TNRC18: variants seen among roughly 807,000 people sequenced by gnomAD.
TNRC18 encodes trinucleotide repeat containing 18, also known as trinucleotide repeat-containing gene 18 protein.
A neutral mutation model predicts 226.7 loss-of-function variants in TNRC18; 69 were observed. That is an observed-to-expected ratio of 0.30 (90% CI 0.25 to 0.37). The LOEUF is 0.37. Ranked by LOEUF, TNRC18 falls within the 10% of genes least tolerant of loss-of-function variation. The pLI, the probability that TNRC18 is intolerant of heterozygous loss-of-function variation, is 1.00. For missense variants in TNRC18, 4,754 were observed against 4,256.6 expected, an observed-to-expected ratio of 1.12 and a Z score of -3.25; for synonymous variants, 2,449 against 1,927.6, an observed-to-expected ratio of 1.27 and a Z score of -7.09.
At position 5,351,803 on chromosome 7, in the gene TNRC18, G is replaced by A; in HGVS notation, c.5470+16C>T. ...CTAGGAAACACGGAAGGTATTTTGT[G>A]TTTGGAGCTAGTAACCTTGGTCAAA... is the stretch of plus-strand genomic sequence containing the variant. On this transcript the variant is annotated intron_variant, in intron 17 of 29. Transcript: ENST00000430969. 3 of 1,563,982 alleles carry A rather than the reference G, an allele frequency of 1.9e-6. No individual in the cohort carries two copies. Among genetic ancestry groups the A allele is most frequent in the South Asian group, 2.4e-5 (2 of 83,982 alleles).
intron 25 of TNRC18, 109 bp from the exon 26 acceptor site, chr7:5,315,257 A>G (rs2128107261): frequency 2.4e-6 from 3 of 1,238,880 alleles, no homozygotes; most frequent in Middle Eastern, 2.9e-4. Context: ...AGCAACCGAC[A>G]CCAGGTGGCT....
chr7:5,402,889 G>C (rs1388428272), intron 2 of TNRC18, among the ~76,000 whole-genome samples: 1 of 151,842 alleles, frequency 6.6e-6, no homozygotes, highest in Non-Finnish European at 1.5e-5. Flanking sequence ...GGAATGGGGG[G>C]GCAAGGTCCT....
intron 11 of TNRC18, among the ~76,000 whole-genome samples, chr7:5,368,550 G>T (rs1019284671): frequency 1.3e-5 from 2 of 151,272 alleles, no homozygotes; most frequent in Non-Finnish European, 2.9e-5. Flanking sequence ...TGTAATCCCA[G>T]GTACTCAGGA....
intron 25 of TNRC18, among the ~76,000 whole-genome samples, 171 bp from the exon 26 acceptor site, chr7:5,315,319 C>T (rs912583720): frequency 6.4e-4 from 98 of 152,198 alleles, no homozygotes; most frequent in African/African-American, 2.1e-3. Flanking sequence ...GGGGAAACCC[C>T]GTCTGCAGGG....
intron 19 of TNRC18, among the ~76,000 whole-genome samples, chr7:5,327,990 G>A (rs1789107643): frequency 1.3e-5 from 2 of 152,152 alleles, no homozygotes; most frequent in South Asian, 4.1e-4. Flanking sequence ...GGGAAGCCAA[G>A]GCAGGCGGAT....
At position 5,370,876 on chromosome 7, in the gene TNRC18, T is replaced by G. The variant is rs954534989; in HGVS notation, c.3718A>C (p.Thr1240Pro). ...TGCACCCCCAGGTCCAGGGCGGCGG[T>G]GCAGGGTTCTGTCCGGCCCGGGGAA... ...VDSPGRTEPCTAALDLGVQLT... is the reference protein window; with the variant it reads ...VDSPGRTEPCPAALDLGVQLT... Residue 1240 changes from threonine (T) to proline (P), a missense_variant, in exon 11 of 30, where the codon ACC (threonine) becomes CCC (proline). Physicochemically the swap from Thr to Pro is conservative, Grantham distance 38. Coordinates refer to ENST00000430969, the MANE Select transcript of TNRC18 (RefSeq NM_001080495.3). 1 of 1,607,506 alleles carries G rather than the reference T, an allele frequency of 6.2e-7. No individual in the cohort carries two copies.
chr7:5,333,676 C>T (rs1789795001), intron 18 of TNRC18, among the ~76,000 whole-genome samples: 1 of 152,184 alleles, frequency 6.6e-6, no homozygotes. Flanking sequence ...CCACCCAGCA[C>T]TCGCCCAGCA....
chr7:5,343,401 A>G (rs1790867232), intron 18 of TNRC18, among the ~76,000 whole-genome samples: 1 of 152,176 alleles, frequency 6.6e-6, no homozygotes, highest in African/African-American at 2.4e-5. Context: ...AGACTACAGG[A>G]TAGTGTAAAC....
chr7:5,312,753 G>C lies in TNRC18; in HGVS notation c.8138C>G (p.Ser2713Trp), dbSNP rs1423202870. 13 of 1,537,406 alleles carry C rather than the reference G, an allele frequency of 8.5e-6. No individual in the cohort carries two copies. The highest frequency in any genetic ancestry group is 1.1e-5 in the Non-Finnish European group (13 of 1,147,622). The change falls in exon 27 of 30, where the codon TCG (serine) becomes TGG (tryptophan). Residue 2713 changes from serine to tryptophan, a missense_variant. Physicochemically the swap from Ser to Trp is radical, Grantham distance 177. Transcript: ENST00000430969. This position sits in a 1 kb window ranked among gnomAD's most constrained non-coding sequence, Gnocchi z 6.3. ...ATKQAGKARP[S>W]AHSPGKKTPA... ...CGTCTTCTTGCCTGGGGAGTGGGCCGAGGGCCGCGCCTTGCCGGCCTGCTT... is the reference window on the plus strand; with the variant it reads ...CGTCTTCTTGCCTGGGGAGTGGGCCCAGGGCCGCGCCTTGCCGGCCTGCTT...
At chr7:5,389,600 G>A (rs541786192) in intron 4 of TNRC18, 255 of 275,112 alleles carry the variant, frequency 9.3e-4, no homozygotes, top group Admixed American at 1.9e-3. Flanking sequence ...GATTACAGGC[G>A]CACCCCACCA....
chr7:5,385,067 A>G (rs1359297199), intron 5 of TNRC18, among the ~76,000 whole-genome samples: 2 of 152,236 alleles, frequency 1.3e-5, no homozygotes, highest in Non-Finnish European at 2.9e-5. Flanking sequence ...AGGTGGCTCC[A>G]CCGGGAGGTG....
At chr7:5,422,723 C>T (rs1782655436) in intron 1 of TNRC18, 1 of 152,246 alleles carries the variant, frequency 6.6e-6, no homozygotes, top group African/African-American at 2.4e-5. Flanking sequence ...CCCTCCCCAA[C>T]TTTGCTAAGG....
intron 2 of TNRC18, among the ~76,000 whole-genome samples, chr7:5,412,708 C>G (rs532738422): frequency 6.6e-6 from 1 of 152,190 alleles, no homozygotes; most frequent in Non-Finnish European, 1.5e-5. Flanking sequence ...ATCACATGCC[C>G]TTTAACTGGA....
At chr7:5,327,348 A>G (rs900660892) in intron 19 of TNRC18, among the ~76,000 whole-genome samples, 38 of 151,308 alleles carry the variant, frequency 2.5e-4, no homozygotes, top group Admixed American at 2.5e-3. Flanking sequence ...TTGGGGGGGA[A>G]AAATATATAT....
In TNRC18 at chr7:5,377,471, G is replaced by C. The variant is rs772394491; in HGVS notation, c.2361C>G (p.Gly787=). ...CGGGGTCGGCAGACCAGCGACCTGA[G>C]CCCGCCAGCGCCGGGCCCCCCGTCA... ...LMVTGGPALA[G]SGRWSADPAA... is the part of the protein sequence containing the mutation. Residue 787 remains glycine, a synonymous_variant, in exon 7 of 30, where the codon GGC becomes GGG. Transcript: ENST00000430969. The surrounding 1 kb of genome is among the most constrained non-coding windows in gnomAD (Gnocchi z 5.8). 1.9e-6 allele frequency: 3 copies of C among 1,573,984 alleles called. No individual in the cohort carries two copies. The highest frequency in any genetic ancestry group is 2.6e-6 in the Non-Finnish European group (3 of 1,161,260).
chr7:5,350,277 G>C (rs1583869088), intron 17 of TNRC18, among the ~76,000 whole-genome samples: 2 of 152,200 alleles, frequency 1.3e-5, no homozygotes, highest in East Asian at 3.9e-4. Context: ...CGCTCAGAGG[G>C]GTAGTAGCAG....
intron 14 of TNRC18, among the ~76,000 whole-genome samples, chr7:5,360,456 C>T (rs1792916145): frequency 6.6e-6 from 1 of 152,152 alleles, no homozygotes; most frequent in Non-Finnish European, 1.5e-5. Flanking sequence ...TCTCAAACTC[C>T]TGACCTCAAG....
chr7:5,374,714 G>A (rs1310942823), intron 9 of TNRC18, among the ~76,000 whole-genome samples: 2 of 152,240 alleles, frequency 1.3e-5, no homozygotes, highest in Non-Finnish European at 2.9e-5. Flanking sequence ...CTGGGGGTGA[G>A]GAGCTCTGGT....
At chr7:5,349,271 G>A (rs956703451) in intron 17 of TNRC18, among the ~76,000 whole-genome samples, 2 of 152,218 alleles carry the variant, frequency 1.3e-5, no homozygotes, top group African/African-American at 4.8e-5. Context: ...GTCCGCAGCA[G>A]GCTGGGGAGC....
Sources: allele counts gnomAD v4.1 joint callset (sites outside exome capture counted in the v4.1 genomes callset), GRCh38; gene constraint gnomAD v4.1.1; non-coding constraint Gnocchi (gnomAD v3.1); transcripts MANE v1.5; gene names NCBI Gene and HGNC (gene_info 2026-07-23, HGNC 2026-07-21).